The following NADSYN1 variants were observed in gnomAD, a reference collection of about 807,000 sequenced individuals.
The protein encoded by NADSYN1 is glutamine-dependent NAD(+) synthetase.
Under a neutral mutation model 99.3 loss-of-function variants are expected in NADSYN1, and 80 were observed. The observed-to-expected ratio is 0.81, with a 90% CI of 0.67 to 0.97. NADSYN1 has a LOEUF of 0.97. NADSYN1 is among the 50% of genes least tolerant of loss of function. The pLI is 0.00. For missense variants in NADSYN1, 859 were observed against 948.5 expected (o/e 0.91, Z 1.24); for synonymous variants, 385 against 372.1 (o/e 1.03, Z -0.40).
At chr11:71,500,546 C>A (rs1949850538) in intron 20 of NADSYN1, among the ~76,000 whole-genome samples, 1 of 151,202 alleles carries the variant, frequency 6.6e-6, no homozygotes, top group Admixed American at 6.6e-5. Context: ...GCAGAGAATT[C>A]TTTGTTCCAC....
intron 18 of NADSYN1, among the ~76,000 whole-genome samples, chr11:71,495,506 A>G (rs1591137108): frequency 6.6e-6 from 1 of 152,348 alleles, no homozygotes; most frequent in Admixed American, 6.5e-5. Context: ...CGCTGGGTGC[A>G]GTGCCCTGCA....
intron 18 of NADSYN1, among the ~76,000 whole-genome samples, chr11:71,494,503 A>T (rs575604987): frequency 5.7e-4 from 86 of 151,884 alleles, no homozygotes; most frequent in Non-Finnish European, 8.8e-4. Flanking sequence ...TCATTCAGTG[A>T]TGCGCGCCTG....
chr11:71,490,881 T>A lies in NADSYN1; in HGVS notation c.1599T>A (p.Ser533Arg), dbSNP rs1327038800. Residue 533 changes from serine to arginine, a missense_variant, in exon 17 of 21, where the codon AGT (serine) becomes AGA (arginine). Ser to Arg is a moderately radical substitution (Grantham distance 110). Transcript: ENST00000319023. ...LGYLTKYDCSSADINPIGGIS... is the reference protein window; with the variant it reads ...LGYLTKYDCSRADINPIGGIS... ...ACCTGACCAAGTACGACTGCTCCAG[T>A]GCGGACATCAACCCCATAGGCGGGA... 5 of 1,614,198 alleles carry A rather than the reference T, an allele frequency of 3.1e-6. No homozygotes were observed. Among genetic ancestry groups the A allele is most frequent in the East Asian group, 4.5e-5 (2 of 44,882 alleles).
chr11:71,468,614 A>G (rs1949608724), intron 5 of NADSYN1, among the ~76,000 whole-genome samples: 1 of 152,260 alleles, frequency 6.6e-6, no homozygotes, highest in South Asian at 2.1e-4. Flanking sequence ...TCCAGTAGAA[A>G]AAGTAGGACT....
At chr11:71,481,536 T>G in intron 12 of NADSYN1, 132 bp downstream of exon 12, 1 of 922,886 alleles carries the variant, frequency 1.1e-6, no homozygotes, top group South Asian at 1.7e-5. Flanking sequence ...TCACTCTGCC[T>G]CCATGGGGAG....
chr11:71,481,886 G>T, intron 12 of NADSYN1, 37 bp from the exon 13 acceptor site: 2 of 1,584,192 alleles, frequency 1.3e-6, no homozygotes, highest in Non-Finnish European at 1.7e-6. Flanking sequence ...CTGCTTCTCC[G>T]AGGCTCTGCT....
At chr11:71,466,327 A>T (rs775160101) in intron 5 of NADSYN1, among the ~76,000 whole-genome samples, 1 of 152,118 alleles carries the variant, frequency 6.6e-6, no homozygotes, top group African/African-American at 2.4e-5. Context: ...CTCAGCCTCT[A>T]GACCTCAAGA....
At chr11:71,497,015 T>C (rs1949824594) in intron 18 of NADSYN1, 1 of 173,052 alleles carries the variant, frequency 5.8e-6, no homozygotes, top group African/African-American at 2.4e-5. Flanking sequence ...TAGCTGGGAC[T>C]GCAGGTGCAC....
chr11:71,457,948 C>T (rs938312562), intron 2 of NADSYN1, among the ~76,000 whole-genome samples: 3 of 152,140 alleles, frequency 2.0e-5, no homozygotes, highest in Non-Finnish European at 4.4e-5. Flanking sequence ...GGGGTGTGGA[C>T]GGACCTTTTT....
At chr11:71,469,140 A>G (rs962148111) in intron 5 of NADSYN1, among the ~76,000 whole-genome samples, 2 of 152,188 alleles carry the variant, frequency 1.3e-5, no homozygotes, top group African/African-American at 4.8e-5. Flanking sequence ...GCAAAAGGCC[A>G]CAAATAGCTA....
Position 71,481,998 on chromosome 11 carries a change from C to G in NADSYN1, c.1123C>G (p.Gln375Glu). 2 of 1,612,484 alleles carry G rather than the reference C, an allele frequency of 1.2e-6. No homozygotes were observed. The highest frequency in any genetic ancestry group is 1.7e-6 in the Non-Finnish European group (2 of 1,179,296). Reference sequence around the variant, plus strand: ...CTGCCTCATCTACTCCATGTGCTGCCAGGTCTGCGAGGCCGTGAGGAGTGG... The same window carrying G: ...CTGCCTCATCTACTCCATGTGCTGCGAGGTCTGCGAGGCCGTGAGGAGTGG... Reference protein sequence around the residue: ...TACLIYSMCCQVCEAVRSGNE... With the variant: ...TACLIYSMCCEVCEAVRSGNE... Residue 375 changes from glutamine (Q) to glutamate (E), a missense_variant, in exon 13 of 21, where the codon CAG becomes GAG. Gln to Glu is a conservative substitution (Grantham distance 29). Coordinates refer to ENST00000319023, the MANE Select transcript of NADSYN1 (RefSeq NM_018161.5).
intron 5 of NADSYN1, among the ~76,000 whole-genome samples, chr11:71,468,913 C>A (rs1949610239): frequency 6.6e-6 from 1 of 152,142 alleles, no homozygotes; most frequent in Non-Finnish European, 1.5e-5. Flanking sequence ...TAACTATAAC[C>A]AGAGATGTGT....
chr11:71,501,164 C>G (rs1453987300), intron 20 of NADSYN1, 138 bp from the exon 21 acceptor site: 1 of 760,488 alleles, frequency 1.3e-6, no homozygotes, highest in African/African-American at 1.8e-5. Flanking sequence ...AGCACACACG[C>G]CCAGCATCTG....
chr11:71,498,406 A>T lies in NADSYN1; in HGVS notation c.1948A>T (p.Met650Leu). 1 of 1,614,214 alleles carries T rather than the reference A, an allele frequency of 6.2e-7. No individual in the cohort carries two copies. Among genetic ancestry groups the T allele is most frequent in the Non-Finnish European group, 8.5e-7 (1 of 1,180,042 alleles). The change falls in exon 20 of 21, where the codon ATG becomes TTG. Residue 650 changes from methionine (M) to leucine (L), a missense_variant. Physicochemically the swap from Met to Leu is conservative, Grantham distance 15. Transcript: ENST00000319023. ...CAAGTACTCCATGAACAGACACAAG[A>T]TGACCACGCTCACACCCGCGTACCA... is the stretch of plus-strand genomic sequence containing the variant. ...FSKYSMNRHKMTTLTPAYHAE... is the reference protein window; with the variant it reads ...FSKYSMNRHKLTTLTPAYHAE...
intron 20 of NADSYN1, 196 bp downstream of exon 20, chr11:71,498,724 A>G: frequency 1.9e-6 from 1 of 539,966 alleles, no homozygotes; most frequent in Non-Finnish European, 3.2e-6. Context: ...AAAATTCTAT[A>G]TATTGATGGT....
chr11:71,454,258 C>T (rs1291218941), intron 1 of NADSYN1, among the ~76,000 whole-genome samples: 3 of 152,206 alleles, frequency 2.0e-5, no homozygotes, highest in African/African-American at 7.2e-5. Context: ...GTTGCCCTGG[C>T]TGGAGTGCAG....
chr11:71,460,541 G>A (rs1252303283), intron 3 of NADSYN1, among the ~76,000 whole-genome samples: 1 of 152,108 alleles, frequency 6.6e-6, no homozygotes, highest in African/African-American at 2.4e-5. Flanking sequence ...TTTTCATAGA[G>A]ACAGGGTCTC....
intron 9 of NADSYN1, chr11:71,477,285 G>A (rs760816411): frequency 2.9e-5 from 37 of 1,263,994 alleles, no homozygotes; most frequent in East Asian, 5.8e-5. Context: ...AACGATCCTC[G>A]CCTTCCCTCA....
intron 17 of NADSYN1, among the ~76,000 whole-genome samples, 187 bp from the exon 18 acceptor site, chr11:71,491,647 A>C (rs1041959716): frequency 6.6e-6 from 1 of 151,718 alleles, no homozygotes; most frequent in Admixed American, 6.5e-5. Context: ...CAGTGCCCAC[A>C]CTCCTCAGCC....
Sources: allele counts gnomAD v4.1 joint callset (sites outside exome capture counted in the v4.1 genomes callset), GRCh38; gene constraint gnomAD v4.1.1; transcripts MANE v1.5; gene names NCBI Gene and HGNC (gene_info 2026-07-23, HGNC 2026-07-21).